Variants in MYRIP observed in about 807,000 individuals in gnomAD.
The protein encoded by MYRIP is myosin VIIA and Rab interacting protein.
In MYRIP, 49 loss-of-function variants were observed where a neutral mutation model predicts 98.0. The ratio of observed to expected loss-of-function variants is 0.50; its 90% CI spans 0.40 to 0.63. MYRIP has a LOEUF of 0.63. Ranked by LOEUF, MYRIP falls within the 30% of genes least tolerant of loss-of-function variation. The pLI is 0.00. For synonymous variants in MYRIP, 404 were observed against 409.5 expected (o/e 0.99, Z 0.16); for missense variants, 1,004 against 1,058.2 (o/e 0.95, Z 0.71).
intron 2 of MYRIP, among the ~76,000 whole-genome samples, chr3:40,002,533 CTA>C (rs911697124): frequency 2.0e-5 from 3 of 149,890 alleles, no homozygotes; most frequent in African/African-American, 7.4e-5. Flanking sequence ...AAGACTCTGT[CTA>C]AAAAAAAAAA....
chr3:40,036,832 A>G (rs1947395973), intron 2 of MYRIP, among the ~76,000 whole-genome samples: 1 of 152,130 alleles, frequency 6.6e-6, no homozygotes, highest in East Asian at 1.9e-4. Context: ...TTTTGCAATT[A>G]CAAACCAACA....
chr3:40,116,668 C>T (rs1027447824), intron 3 of MYRIP, among the ~76,000 whole-genome samples: 1 of 152,162 alleles, frequency 6.6e-6, no homozygotes, highest in African/African-American at 2.4e-5. Context: ...TAGAACACGG[C>T]GTCCTTTGTT....
chr3:39,905,781 C>T (rs1943865020), intron 2 of MYRIP, among the ~76,000 whole-genome samples: 1 of 152,180 alleles, frequency 6.6e-6, no homozygotes, highest in Non-Finnish European at 1.5e-5. Flanking sequence ...CGCTACCTCT[C>T]CATCTTTTTC....
At chr3:39,869,045 T>C (rs1942707608) in intron 1 of MYRIP, among the ~76,000 whole-genome samples, 1 of 152,200 alleles carries the variant, frequency 6.6e-6, no homozygotes, top group Non-Finnish European at 1.5e-5. Context: ...ATGGATCTTT[T>C]TGAGTTTATC....
At chr3:40,228,580 A>C (rs1045985352) in intron 11 of MYRIP, among the ~76,000 whole-genome samples, 1 of 152,064 alleles carries the variant, frequency 6.6e-6, no homozygotes, top group Non-Finnish European at 1.5e-5. Context: ...CTATCTCTCT[A>C]AAGTGTGAGT....
chr3:39,861,286 T>C (rs75748402), intron 1 of MYRIP, among the ~76,000 whole-genome samples: 2,511 of 152,188 alleles, frequency 0.016, 65 homozygotes, highest in African/African-American at 0.057. Context: ...GCTTACCTTA[T>C]ACCATAATCA....
chr3:40,072,018 A>G (rs1948242297), intron 3 of MYRIP, among the ~76,000 whole-genome samples: 1 of 152,108 alleles, frequency 6.6e-6, no homozygotes, highest in African/African-American at 2.4e-5. Context: ...ATGCCATTCA[A>G]AGTCTGTGGT....
chr3:40,227,272 G>A (rs1342605877), intron 11 of MYRIP, among the ~76,000 whole-genome samples: 15 of 152,142 alleles, frequency 9.9e-5, no homozygotes, highest in Non-Finnish European at 1.9e-4. Flanking sequence ...GGGTCCCCTC[G>A]AGGCTATGAC....
At chr3:40,106,687 A>G (rs539661622) in intron 3 of MYRIP, among the ~76,000 whole-genome samples, 1 of 152,196 alleles carries the variant, frequency 6.6e-6, no homozygotes, top group African/African-American at 2.4e-5. Flanking sequence ...TGCTTTTTAA[A>G]AATTTCTCTT....
rs374638880 is a variant in MYRIP at position 40,151,151 on chromosome 3, C to A, written c.436C>A (p.Arg146=). 3.1e-6 allele frequency: 5 copies of A among 1,609,304 alleles called. No homozygotes were observed. In the African/African-American group the frequency reaches 6.7e-5, roughly 21 times the overall value. The change falls in exon 4 of 17, where the codon CGG becomes AGG. Residue 146 remains arginine (R), a synonymous_variant. Transcript: ENST00000302541. ...KVLKNLYRKH[R]LESGACFDIL... Reference sequence around the variant, plus strand: ...TCTGAAGAACCTGTACAGGAAGCACCGGCTGGAGAGTGGCGCGTGCTTCGA... The same window carrying A: ...TCTGAAGAACCTGTACAGGAAGCACAGGCTGGAGAGTGGCGCGTGCTTCGA...
chr3:39,825,198 TA>T (rs1256655879), intron 1 of MYRIP, among the ~76,000 whole-genome samples: 3 of 152,232 alleles, frequency 2.0e-5, no homozygotes, highest in African/African-American at 7.2e-5. Flanking sequence ...TTCTCTTGCC[TA>T]TTTGCTCTTA....
At chr3:39,859,789 A>G (rs546028643) in intron 1 of MYRIP, among the ~76,000 whole-genome samples, 2 of 152,360 alleles carry the variant, frequency 1.3e-5, no homozygotes, top group South Asian at 4.1e-4. Context: ...AATGCAGAAA[A>G]AGCATTTGAC....
chr3:39,925,092 A>G (rs1298364157), intron 2 of MYRIP, among the ~76,000 whole-genome samples: 2 of 151,544 alleles, frequency 1.3e-5, no homozygotes, highest in Non-Finnish European at 2.9e-5. Context: ...AGAAGGAAGG[A>G]AATAATAAGG....
In MYRIP at chr3:40,206,462, A is replaced by G. The variant is rs1017187279; in HGVS notation, c.1666-3392A>G. 1.4e-4 allele frequency among the ~76,000 whole-genome samples: 22 copies of G among 152,140 alleles called. 1 individual carries two copies. The highest frequency in any genetic ancestry group is 1.4e-3 in the Admixed American group (22 of 15,266). ...TCAAGAACCATCACTTAGCATTATG[A>G]TTCTTGCTGCTCCAATAAAACTTGT... On this transcript the variant is annotated intron_variant, in intron 10 of 16. Transcript: ENST00000302541.
intron 2 of MYRIP, among the ~76,000 whole-genome samples, chr3:39,976,434 T>C (rs1010452158): frequency 9.2e-5 from 14 of 152,200 alleles, no homozygotes; most frequent in Non-Finnish European, 1.8e-4. Context: ...GGAACACTTT[T>C]ACACTGTTGG....
intron 2 of MYRIP, among the ~76,000 whole-genome samples, chr3:39,908,567 A>G (rs998406094): frequency 6.6e-6 from 1 of 152,058 alleles, no homozygotes; most frequent in Non-Finnish European, 1.5e-5. Flanking sequence ...TGACACAGAG[A>G]CTCCTCTGAG....
chr3:40,239,615 T>C (rs1952934621), intron 12 of MYRIP, among the ~76,000 whole-genome samples: 1 of 148,320 alleles, frequency 6.7e-6, no homozygotes, highest in Non-Finnish European at 1.5e-5. Context: ...TGGTGTGAGA[T>C]GGTATCTCAT....
At chr3:39,889,916 A>G (rs558450937) in intron 1 of MYRIP, among the ~76,000 whole-genome samples, 10 of 152,238 alleles carry the variant, frequency 6.6e-5, no homozygotes, top group African/African-American at 1.9e-4. Context: ...ATGCCTTACA[A>G]TCCACACCAG....
At chr3:39,894,752 T>C (rs565361375) in intron 1 of MYRIP, among the ~76,000 whole-genome samples, 47 of 152,238 alleles carry the variant, frequency 3.1e-4, no homozygotes, top group Non-Finnish European at 5.0e-4. Flanking sequence ...ACAGTATTTT[T>C]CTGTAATAGA....
Sources: allele counts gnomAD v4.1 joint callset (sites outside exome capture counted in the v4.1 genomes callset), GRCh38; gene constraint gnomAD v4.1.1; transcripts MANE v1.5; gene names NCBI Gene and HGNC (gene_info 2026-07-23, HGNC 2026-07-21).